CTNNA2: variants seen among roughly 807,000 people sequenced by gnomAD.
CTNNA2 encodes the protein catenin alpha 2, also known as catenin alpha-2.
In CTNNA2, 42 loss-of-function variants were observed where a neutral mutation model predicts 101.0. That is an observed-to-expected ratio of 0.42 (90% CI 0.32 to 0.54). The LOEUF is 0.54. CTNNA2 is among the 20% of genes least tolerant of loss of function. The pLI is 0.14. For missense variants in CTNNA2, 871 were observed against 1,223.1 expected (o/e 0.71, Z 4.29); for synonymous variants, 450 against 456.4 (o/e 0.99, Z 0.18).
At chr2:79,626,678 A>G (rs547671374) in intron 1 of CTNNA2, among the ~76,000 whole-genome samples, 1 of 149,430 alleles carries the variant, frequency 6.7e-6, no homozygotes, top group Non-Finnish European at 1.5e-5. Flanking sequence ...GACATGGGAA[A>G]GGTGTGGGAA....
chr2:79,279,992 T>C (rs544795514), intron 2 of CTNNA2, among the ~76,000 whole-genome samples: 1 of 152,242 alleles, frequency 6.6e-6, no homozygotes, highest in African/African-American at 2.4e-5. Flanking sequence ...TCAACCTTAC[T>C]AAGAATTTGG....
chr2:79,554,873 G>A (rs889057402), intron 1 of CTNNA2, among the ~76,000 whole-genome samples: 3 of 152,122 alleles, frequency 2.0e-5, no homozygotes, highest in African/African-American at 7.2e-5. Context: ...CTATCCAAGA[G>A]GCATGAAATA....
rs150162392 is a variant in CTNNA2 at position 79,662,342 on chromosome 2, G to T, written c.102+10684G>T. Among the ~76,000 whole-genome samples, 531 of 152,080 alleles carry T rather than the reference G, an allele frequency of 3.5e-3. 11 individuals carry two copies. In the East Asian group the frequency reaches 0.047, roughly 14 times the overall value. On this transcript the variant is annotated intron_variant, in intron 2 of 18. Coordinates refer to ENST00000402739, the MANE Select transcript of CTNNA2 (RefSeq NM_001282597.3). Reference sequence around the variant, plus strand: ...TTTCAGTGAATACTTAGCAAATACTGTCAATGGGAAAAAAATGGAATTTAA... The same window carrying T: ...TTTCAGTGAATACTTAGCAAATACTTTCAATGGGAAAAAAATGGAATTTAA...
chr2:79,956,412 T>G (rs1242472214), intron 7 of CTNNA2, among the ~76,000 whole-genome samples: 2 of 152,184 alleles, frequency 1.3e-5, no homozygotes, highest in Non-Finnish European at 2.9e-5. Context: ...ACCAACAGTA[T>G]ATTGAAAGCT....
In CTNNA2 at chr2:79,345,111, A is replaced by ATT. The variant is rs1558637599; in HGVS notation, c.-317-28720_-317-28719insTT. On this transcript the variant is annotated intron_variant, in intron 3 of 21. Coordinates refer to the CTNNA2 transcript ENST00000466387. ...TATTATGGAATGTGTTTTTTTTTAAAAAAAAAAGCAAAATGTAACAAATCA... is the reference window on the plus strand; with the variant it reads ...TATTATGGAATGTGTTTTTTTTTAAATTAAAAAAAGCAAAATGTAACAAATCA... 3.0e-3 allele frequency among the ~76,000 whole-genome samples: 402 copies of ATT among 132,158 alleles called. 5 individuals are homozygous for ATT. The East Asian group carries it at 0.038, about 12-fold the overall frequency. The allele number at this position is 132,158 out of a possible 152,430, so 86.7% of individuals were successfully genotyped here.
chr2:79,723,419 G>T (rs1446153585), intron 2 of CTNNA2, among the ~76,000 whole-genome samples: 1 of 152,190 alleles, frequency 6.6e-6, no homozygotes, highest in Non-Finnish European at 1.5e-5. Flanking sequence ...CTTGATACAT[G>T]TTAGGATGTT....
At chr2:80,452,989 C>T (rs1269403599) in intron 9 of CTNNA2, among the ~76,000 whole-genome samples, 1 of 151,958 alleles carries the variant, frequency 6.6e-6, no homozygotes, top group East Asian at 1.9e-4. Flanking sequence ...CCTTCTAGGC[C>T]AGGTATAGCT....
In CTNNA2 at chr2:79,278,285, G is replaced by A. The variant is rs72915202; in HGVS notation, c.-405-34424G>A. 3.0e-3 allele frequency among the ~76,000 whole-genome samples: 453 copies of A among 152,232 alleles called. 5 individuals are homozygous for A. Among genetic ancestry groups the A allele is most frequent in the African/African-American group, 0.011 (437 of 41,554 alleles). On this transcript the variant is annotated intron_variant, in intron 2 of 21. Coordinates refer to the CTNNA2 transcript ENST00000466387. ...GGACACTATTGGCAATTACCAATCAGGTCCAAACTGCACAAGATAAATCTA... is the reference window on the plus strand; with the variant it reads ...GGACACTATTGGCAATTACCAATCAAGTCCAAACTGCACAAGATAAATCTA...
intron 2 of CTNNA2, among the ~76,000 whole-genome samples, chr2:79,256,981 A>G (rs539468658): frequency 6.6e-6 from 1 of 152,316 alleles, no homozygotes; most frequent in Admixed American, 6.5e-5. Context: ...CTACAAAAAG[A>G]TAAACGTATT....
chr2:80,077,440 AT>A (rs1365010395), intron 7 of CTNNA2, among the ~76,000 whole-genome samples: 1 of 152,098 alleles, frequency 6.6e-6, no homozygotes, highest in East Asian at 1.9e-4. Flanking sequence ...TTAGTCAACA[AT>A]TTTTAGAAAA....
intron 7 of CTNNA2, among the ~76,000 whole-genome samples, chr2:79,981,233 G>A (rs1287262171): frequency 6.6e-6 from 1 of 151,882 alleles, no homozygotes; most frequent in Non-Finnish European, 1.5e-5. Flanking sequence ...AAAAATAGGG[G>A]GCTTCATTTT....
chr2:79,538,249 A>T (rs2103973510), intron 1 of CTNNA2, among the ~76,000 whole-genome samples: 1 of 151,980 alleles, frequency 6.6e-6, no homozygotes, highest in South Asian at 2.1e-4. Context: ...ATTCGAAAAA[A>T]AAACCTTATC....
At chr2:80,263,094 A>T (rs1364419862) in intron 7 of CTNNA2, among the ~76,000 whole-genome samples, 1 of 152,088 alleles carries the variant, frequency 6.6e-6, no homozygotes, top group Non-Finnish European at 1.5e-5. Flanking sequence ...CATGGGGGGT[A>T]GGGTGTGGAG....
chr2:80,603,800 T>C, intron 15 of CTNNA2: 1 of 364,712 alleles, frequency 2.7e-6, no homozygotes, highest in Non-Finnish European at 5.0e-6. Flanking sequence ...TTCATTTCTC[T>C]TGTGATGATC....
Position 79,550,404 on chromosome 2 carries a change from G to A in CTNNA2, c.-6+37197G>A, listed in dbSNP as rs139885552. On this transcript the variant is annotated intron_variant, in intron 1 of 18. Transcript: ENST00000402739. ...AATTTCCTGAGGGAGACTCAGCAATGAGCCACCAGTGCACGTCACTCTTAG... is the reference window on the plus strand; with the variant it reads ...AATTTCCTGAGGGAGACTCAGCAATAAGCCACCAGTGCACGTCACTCTTAG... 5.0e-3 allele frequency among the ~76,000 whole-genome samples: 765 copies of A among 152,290 alleles called. 2 individuals are homozygous for A. The highest frequency in any genetic ancestry group is 9.7e-3 in the Non-Finnish European group (661 of 68,028).
chr2:79,365,826 G>C (rs1172615019), intron 3 of CTNNA2, among the ~76,000 whole-genome samples: 1 of 152,130 alleles, frequency 6.6e-6, no homozygotes, highest in Non-Finnish European at 1.5e-5. Context: ...AGAGCCCAGG[G>C]AAGGTAATGT....
intron 4 of CTNNA2, among the ~76,000 whole-genome samples, chr2:79,424,665 A>G (rs1274727426): frequency 6.6e-6 from 1 of 152,138 alleles, no homozygotes; most frequent in African/African-American, 2.4e-5. Context: ...GAAAGGGGTC[A>G]TTAGATCAAA....
At chr2:80,514,622 G>A (rs1255901179) in intron 9 of CTNNA2, among the ~76,000 whole-genome samples, 2 of 152,040 alleles carry the variant, frequency 1.3e-5, no homozygotes, top group Non-Finnish European at 2.9e-5. Flanking sequence ...AGTGGGAGAG[G>A]TGACCAGGCA....
intron 2 of CTNNA2, 95 bp downstream of exon 2, chr2:79,651,753 T>C: frequency 2.0e-6 from 2 of 1,014,446 alleles, no homozygotes; most frequent in Admixed American, 4.0e-5. Context: ...TAAAAGAGAA[T>C]AAATCATGCC....
Sources: allele counts gnomAD v4.1 joint callset (sites outside exome capture counted in the v4.1 genomes callset), GRCh38; gene constraint gnomAD v4.1.1; transcripts MANE v1.5; gene names NCBI Gene and HGNC (gene_info 2026-07-23, HGNC 2026-07-21).